The following PIK3C2G variants were observed in gnomAD, a reference collection of about 807,000 sequenced individuals.
PIK3C2G encodes the protein phosphatidylinositol-4-phosphate 3-kinase catalytic subunit type 2 gamma.
In PIK3C2G, 168 loss-of-function variants were observed where a neutral mutation model predicts 181.1. The observed-to-expected ratio is 0.93, with a 90% CI of 0.82 to 1.05. PIK3C2G has a LOEUF of 1.05. Ranked by LOEUF, PIK3C2G falls within the 50% of genes least tolerant of loss-of-function variation. The probability of loss-of-function intolerance (pLI) is 0.00; values close to 1 mark genes in which losing one functional copy is unlikely to be tolerated. For synonymous variants in PIK3C2G, 573 were observed against 592.2 expected (o/e 0.97, Z 0.47); for missense variants, 1,869 against 1,732.8 (o/e 1.08, Z -1.40).
At chr12:18,701,923 C>T in the PIK3C2G span, 1 of 1,178,244 alleles carries the variant, frequency 8.5e-7, no homozygotes, top group Non-Finnish European at 1.2e-6. Context: ...CCCCTATTCA[C>T]ATCTCAGTAG....
At chr12:18,253,362 A>G (rs1948113369) in intron 1 of PIK3C2G, among the ~76,000 whole-genome samples, 1 of 152,210 alleles carries the variant, frequency 6.6e-6, no homozygotes, top group Non-Finnish European at 1.5e-5. Context: ...CAGGATCAAG[A>G]CCTATAGACA....
chr12:18,457,295 CTCTT>C (rs1354924870), intron 18 of PIK3C2G, among the ~76,000 whole-genome samples: 3 of 152,196 alleles, frequency 2.0e-5, no homozygotes, highest in Non-Finnish European at 4.4e-5. Flanking sequence ...TATTACCCCT[CTCTT>C]TCTTTCTGAA....
intron 18 of PIK3C2G, among the ~76,000 whole-genome samples, chr12:18,437,953 T>C (rs1032084787): frequency 4.6e-5 from 7 of 151,878 alleles, no homozygotes; most frequent in African/African-American, 1.7e-4. Context: ...CAGTTTTTGT[T>C]GACTGCCTGC....
intron 24 of PIK3C2G, among the ~76,000 whole-genome samples, chr12:18,530,257 A>G (rs1226024229): frequency 6.6e-6 from 1 of 152,196 alleles, no homozygotes; most frequent in East Asian, 1.9e-4. Context: ...CTTATAATAG[A>G]AGACCTGTTT....
chr12:18,262,615 A>C (rs1358092444), intron 1 of PIK3C2G, among the ~76,000 whole-genome samples: 1 of 102,260 alleles, frequency 9.8e-6, no homozygotes, highest in Non-Finnish European at 2.0e-5. Flanking sequence ...GTGAGCTGAC[A>C]AAAAAAAAAA....
intron 19 of PIK3C2G, 115 bp downstream of exon 19, chr12:18,488,744 T>A: frequency 1.7e-6 from 1 of 582,712 alleles, no homozygotes; most frequent in Non-Finnish European, 2.7e-6. Flanking sequence ...AGAAGATACT[T>A]AAATCAATTA....
chr12:18,476,370 A>G (rs1229696970), intron 18 of PIK3C2G, among the ~76,000 whole-genome samples: 2 of 152,274 alleles, frequency 1.3e-5, no homozygotes, highest in South Asian at 2.1e-4. Flanking sequence ...AATATGAGAT[A>G]AGACTTAAAG....
chr12:18,368,157 G>A (rs1368167426), intron 12 of PIK3C2G, among the ~76,000 whole-genome samples: 2 of 152,082 alleles, frequency 1.3e-5, no homozygotes, highest in Non-Finnish European at 2.9e-5. Context: ...TTTGGGTGGG[G>A]ACACCAAGCC....
At chr12:18,644,240 G>A (rs1949998348) in intron 32 of PIK3C2G, among the ~76,000 whole-genome samples, 1 of 152,098 alleles carries the variant, frequency 6.6e-6, no homozygotes, top group Non-Finnish European at 1.5e-5. Flanking sequence ...CTGGTCTCAA[G>A]ATGGGTCTGG....
intron 15 of PIK3C2G, among the ~76,000 whole-genome samples, chr12:18,392,387 C>T (rs2138060097): frequency 6.6e-6 from 1 of 152,152 alleles, no homozygotes; most frequent in South Asian, 2.1e-4. Flanking sequence ...CTTTCCTACT[C>T]TCTAATTTCA....
intron 25 of PIK3C2G, among the ~76,000 whole-genome samples, chr12:18,542,922 T>G (rs1366975932): frequency 6.6e-6 from 1 of 151,850 alleles, no homozygotes; most frequent in Admixed American, 6.6e-5. Flanking sequence ...GAGATTGCTG[T>G]GTCTAATGGT....
intron 11 of PIK3C2G, among the ~76,000 whole-genome samples, chr12:18,356,071 T>C (rs906330903): frequency 2.0e-5 from 3 of 152,136 alleles, no homozygotes; most frequent in Non-Finnish European, 1.5e-5. Flanking sequence ...AGGACTTTAT[T>C]CCAGTCCCAC....
In PIK3C2G at chr12:18,269,056, G is replaced by A. The variant is rs530424692; in HGVS notation, c.-79+7479G>A. Among the ~76,000 whole-genome samples, 69 of 151,870 alleles carry A rather than the reference G, an allele frequency of 4.5e-4. 1 individual carries two copies. The highest frequency in any genetic ancestry group is 1.6e-3 in the African/African-American group (66 of 41,422). On this transcript the variant is annotated intron_variant, in intron 1 of 32. Coordinates refer to ENST00000538779, the MANE Select transcript of PIK3C2G (RefSeq NM_001288772.2). ...CTCCCAGGTAGCTGGGATTACAGCC[G>A]TGCACCAACACACCTGGCAAATTTT...
At chr12:18,647,676 C>A (rs1443120907) in intron 32 of PIK3C2G, among the ~76,000 whole-genome samples, 200 bp from the exon 33 acceptor site, 2 of 152,040 alleles carry the variant, frequency 1.3e-5, no homozygotes, top group Middle Eastern at 3.4e-3. Context: ...ACAAAAATAG[C>A]CTGTCATTAA....
intron 5 of PIK3C2G, among the ~76,000 whole-genome samples, chr12:18,297,669 C>T (rs1949999450): frequency 6.6e-6 from 1 of 151,926 alleles, no homozygotes. Flanking sequence ...TATTAACCCA[C>T]CTCTCTTCAT....
the PIK3C2G span, among the ~76,000 whole-genome samples, chr12:18,673,909 G>T: frequency 6.6e-6 from 1 of 152,178 alleles, no homozygotes. Flanking sequence ...TCATCATAGT[G>T]TGCAAGCCAA....
chr12:18,556,767 G>A (rs957396420), intron 26 of PIK3C2G, among the ~76,000 whole-genome samples: 5 of 152,118 alleles, frequency 3.3e-5, no homozygotes, highest in African/African-American at 9.7e-5. Flanking sequence ...CTGTGCACCT[G>A]TAAATTCATA....
At chr12:18,684,214 G>T in the PIK3C2G span, 1 of 1,611,576 alleles carries the variant, frequency 6.2e-7, no homozygotes, top group South Asian at 1.1e-5. Context: ...ACAACAAAAC[G>T]TATCAATGCC....
intron 17 of PIK3C2G, among the ~76,000 whole-genome samples, chr12:18,423,057 T>G (rs1253538134): frequency 6.6e-6 from 1 of 151,956 alleles, no homozygotes; most frequent in Non-Finnish European, 1.5e-5. Flanking sequence ...AGTGTATGTA[T>G]GACTGGATAT....
Sources: allele counts gnomAD v4.1 joint callset (sites outside exome capture counted in the v4.1 genomes callset), GRCh38; gene constraint gnomAD v4.1.1; transcripts MANE v1.5; gene names NCBI Gene and HGNC (gene_info 2026-07-23, HGNC 2026-07-21).